BCAT1: variants seen among roughly 807,000 people sequenced by gnomAD.
The protein encoded by BCAT1 is branched chain amino acid transaminase 1.
Under a neutral mutation model 52.4 loss-of-function variants are expected in BCAT1, and 48 were observed. That is an observed-to-expected ratio of 0.92 (90% CI 0.73 to 1.16). BCAT1 has a LOEUF of 1.16. BCAT1 is among the 50% of genes most tolerant of loss of function. The probability of loss-of-function intolerance (pLI) is 0.00; values close to 1 mark genes in which losing one functional copy is unlikely to be tolerated. For synonymous variants in BCAT1, 167 were observed against 161.3 expected (o/e 1.04, Z -0.27); for missense variants, 451 against 457.1 (o/e 0.99, Z 0.12).
intron 1 of BCAT1, among the ~76,000 whole-genome samples, chr12:24,916,088 A>G (rs1398437212): frequency 6.6e-6 from 1 of 152,180 alleles, no homozygotes; most frequent in Non-Finnish European, 1.5e-5. Context: ...GAATCCAGGA[A>G]GCAGAGGTTT....
chr12:24,941,966 A>G (rs915549414), intron 1 of BCAT1, among the ~76,000 whole-genome samples: 2 of 152,210 alleles, frequency 1.3e-5, no homozygotes, highest in Non-Finnish European at 2.9e-5. Context: ...AGAGAAATGC[A>G]TGCACATAGA....
chr12:24,816,354 A>C lies in BCAT1; in HGVS notation c.*1654T>G, dbSNP rs1939875211. On this transcript the variant is annotated 3_prime_UTR_variant, in exon 11 of 11. Coordinates refer to ENST00000261192, the MANE Select transcript of BCAT1 (RefSeq NM_005504.7). ...AAGTTATGAGGACTGAGGGAAACCA[A>C]AATACAATGTCTGAGAGTTGACCTT... is the stretch of plus-strand genomic sequence containing the variant. 2.5e-6 allele frequency: 1 copy of C among 395,588 alleles called. No individual in the cohort carries two copies. The highest frequency in any genetic ancestry group is 2.1e-5 in the African/African-American group (1 of 48,512). 24.5% of individuals were successfully genotyped at this position (395,588 alleles called of 1,614,324 possible).
intron 5 of BCAT1, among the ~76,000 whole-genome samples, chr12:24,852,634 A>G (rs1412566497): frequency 6.6e-6 from 1 of 152,244 alleles, no homozygotes; most frequent in Non-Finnish European, 1.5e-5. Flanking sequence ...GAGCACAGAT[A>G]GAAAATGGAA....
intron 6 of BCAT1, among the ~76,000 whole-genome samples, 156 bp from the exon 7 acceptor site, chr12:24,842,380 A>T (rs957080132): frequency 9.2e-5 from 14 of 152,212 alleles, no homozygotes; most frequent in African/African-American, 2.9e-4. Context: ...ACTGCATAAC[A>T]TTAAAGGAAA....
At chr12:24,861,700 G>C (rs913702631) in intron 5 of BCAT1, among the ~76,000 whole-genome samples, 2 of 152,194 alleles carry the variant, frequency 1.3e-5, no homozygotes, top group Non-Finnish European at 1.5e-5. Flanking sequence ...ATTTAAACCA[G>C]AGCAACTCCA....
chr12:24,894,251 T>A (rs367591823), intron 3 of BCAT1, 24 bp downstream of exon 3: 2 of 1,609,172 alleles, frequency 1.2e-6, no homozygotes, highest in African/African-American at 2.7e-5. Context: ...AGCATGTCAC[T>A]CTCTTTAATT....
At chr12:24,891,297 T>G (rs1355763348) in intron 3 of BCAT1, among the ~76,000 whole-genome samples, 1 of 152,070 alleles carries the variant, frequency 6.6e-6, no homozygotes, top group African/African-American at 2.4e-5. Context: ...GAAAGTGACC[T>G]CTGGTCATCC....
rs1159705741 is a variant in BCAT1 at position 24,947,060 on chromosome 12, TG to T, written c.6+1866del. 3.9e-5 allele frequency among the ~76,000 whole-genome samples: 6 copies of T among 152,056 alleles called. No individual in the cohort carries two copies. In the East Asian group the frequency reaches 9.6e-4, roughly 24 times the overall value. On this transcript the variant is annotated intron_variant, in intron 1 of 10. Transcript: ENST00000261192. ...TTCCTTTTTCTAACCACCACCCTTTTGTTAGGCCAGCTTAACTAGCTTTACA... is the reference window on the plus strand; with the variant it reads ...TTCCTTTTTCTAACCACCACCCTTTTTTAGGCCAGCTTAACTAGCTTTACA...
intron 10 of BCAT1, among the ~76,000 whole-genome samples, chr12:24,824,252 T>C (rs1406021383): frequency 2.8e-5 from 4 of 142,186 alleles, no homozygotes; most frequent in African/African-American, 1.1e-4. Flanking sequence ...CCTTCCTTCC[T>C]TCCTTCCTTC....
In BCAT1 at chr12:24,817,641, A is replaced by T. The variant is rs181748642; in HGVS notation, c.*367T>A. On this transcript the variant is annotated 3_prime_UTR_variant, in exon 11 of 11. Coordinates refer to ENST00000261192, the MANE Select transcript of BCAT1 (RefSeq NM_005504.7). The stretch of plus-strand genomic sequence containing the variant: ...CAAATTAGCTTTCAAACACACACAA[A>T]AAATTGCATTTGTTTGAGGAGCAGA... 577 of 173,512 alleles carry T rather than the reference A, an allele frequency of 3.3e-3. 6 individuals are homozygous for T. The highest frequency in any genetic ancestry group is 0.011 in the African/African-American group (488 of 42,436). 10.7% of individuals were successfully genotyped at this position (173,512 alleles called of 1,614,324 possible).
At chr12:24,882,686 C>T (rs1024795687) in intron 3 of BCAT1, among the ~76,000 whole-genome samples, 5 of 151,332 alleles carry the variant, frequency 3.3e-5, no homozygotes, top group South Asian at 2.1e-4. Context: ...GCAACCTCTA[C>T]CCCCTGGGTT....
In BCAT1 at chr12:24,816,590, CA is replaced by C. The variant is rs34453620; in HGVS notation, c.*1417del. 50,192 of 365,784 alleles carry C rather than the reference CA, an allele frequency of 0.14. 1,105 individuals are homozygous for C. Among genetic ancestry groups the C allele is most frequent in the Non-Finnish European group, 0.15 (32,000 of 210,204 alleles). 22.7% of individuals were successfully genotyped at this position (365,784 alleles called of 1,614,324 possible). On this transcript the variant is annotated 3_prime_UTR_variant, in exon 11 of 11. Transcript: ENST00000261192. ...CAGAGTATGCCTCTTTGTTTTCTAC[CA>C]AAAAAAAAAAAAAAAGATTTATTTC...
In BCAT1 at chr12:24,877,188, A is replaced by G. The variant is rs115250775; in HGVS notation, c.510+1342T>C. 3.7e-3 allele frequency among the ~76,000 whole-genome samples: 563 copies of G among 152,322 alleles called. 6 individuals carry two copies. Among genetic ancestry groups the G allele is most frequent in the Middle Eastern group, 0.014 (4 of 294 alleles). ...ACCTTTTGCATTCATACAGCCTAGT[A>G]GAAAACCTGGTAACCCCGCAACACT... On this transcript the variant is annotated intron_variant, in intron 5 of 10. Transcript: ENST00000261192.
intron 7 of BCAT1, among the ~76,000 whole-genome samples, chr12:24,837,436 A>ATTTTT (rs35427447): frequency 1.6e-5 from 2 of 121,934 alleles, no homozygotes. Context: ...GGAAAGTCTA[A>ATTTTT]TTTTTTTTTT....
At chr12:24,921,984 T>TACAC (rs796314780) in intron 1 of BCAT1, among the ~76,000 whole-genome samples, 93 of 152,114 alleles carry the variant, frequency 6.1e-4, no homozygotes, top group African/African-American at 2.1e-3. Flanking sequence ...TGTGCACACA[T>TACAC]ACACACATAC....
intron 10 of BCAT1, among the ~76,000 whole-genome samples, chr12:24,821,722 G>A (rs1231450326): frequency 1.3e-5 from 2 of 152,126 alleles, no homozygotes; most frequent in African/African-American, 4.8e-5. Context: ...GAGAGTGAAC[G>A]ATTCAAACAG....
chr12:24,910,665 G>C (rs756501880), intron 1 of BCAT1, among the ~76,000 whole-genome samples: 2 of 152,152 alleles, frequency 1.3e-5, no homozygotes, highest in Non-Finnish European at 2.9e-5. Context: ...GTATACACAA[G>C]GGCCAAGTAA....
At chr12:24,892,048 C>T (rs1382584601) in intron 3 of BCAT1, among the ~76,000 whole-genome samples, 1 of 144,994 alleles carries the variant, frequency 6.9e-6, no homozygotes, top group Non-Finnish European at 1.5e-5. Flanking sequence ...TGAGCCACCT[C>T]GCCTGGCCGT....
chr12:24,901,895 G>A lies in BCAT1; in HGVS notation c.7-10C>T, dbSNP rs1393792080. The A allele has an allele frequency of 6.2e-7, 1 of 1,613,476 alleles. No homozygotes were observed. On this transcript the variant is annotated splice_polypyrimidine_tract_variant and intron_variant, in intron 1 of 10. Coordinates refer to ENST00000261192, the MANE Select transcript of BCAT1 (RefSeq NM_005504.7). ...ATCCGTTACTGCAATCCTTAAAGAAGAATTAAACCACCATTAAGTAAATGC... is the reference window on the plus strand; with the variant it reads ...ATCCGTTACTGCAATCCTTAAAGAAAAATTAAACCACCATTAAGTAAATGC...
Sources: allele counts gnomAD v4.1 joint callset (sites outside exome capture counted in the v4.1 genomes callset), GRCh38; gene constraint gnomAD v4.1.1; transcripts MANE v1.5; gene names NCBI Gene and HGNC (gene_info 2026-07-23, HGNC 2026-07-21).